Variants in PSIP1 observed in about 807,000 individuals in gnomAD.
PSIP1 encodes the protein PC4 and SFRS1-interacting protein.
Under a neutral mutation model 74.7 loss-of-function variants are expected in PSIP1, and 19 were observed. The observed-to-expected ratio is 0.25, with a 90% CI of 0.18 to 0.37. PSIP1 has a LOEUF of 0.37. Ranked by LOEUF, PSIP1 falls within the 10% of genes least tolerant of loss-of-function variation. PSIP1 has a pLI of 1.00. For synonymous variants in PSIP1, 222 were observed against 195.3 expected (o/e 1.14, Z -1.14); for missense variants, 601 against 614.3 (o/e 0.98, Z 0.23).
chr9:15,484,084 A>C (rs2036452855), intron 6 of PSIP1, among the ~76,000 whole-genome samples: 1 of 150,380 alleles, frequency 6.6e-6, no homozygotes, highest in South Asian at 2.1e-4. Flanking sequence ...GTGAGCTAAG[A>C]TCATGCCACT....
In PSIP1 at chr9:15,501,128, A is replaced by G. The variant is rs1292849986; in HGVS notation, c.149+5433T>C. On this transcript the variant is annotated intron_variant, in intron 3 of 15. Coordinates refer to ENST00000380733, the MANE Select transcript of PSIP1 (RefSeq NM_033222.5). ...AATGACAAAGAAAAAAAACACAAAT[A>G]TAAGTAACCTGCCCAAGGTTATATA... Among the ~76,000 whole-genome samples the G allele has an allele frequency of 3.3e-5, 5 of 152,302 alleles. No individual in the cohort carries two copies. In the East Asian group the frequency reaches 7.7e-4, roughly 23 times the overall value.
At chr9:15,509,414 T>A (rs1246997678) in intron 2 of PSIP1, among the ~76,000 whole-genome samples, 2 of 152,196 alleles carry the variant, frequency 1.3e-5, no homozygotes, top group African/African-American at 4.8e-5. Flanking sequence ...ACATCCTGGG[T>A]CCTTAATCAT....
intron 5 of PSIP1, among the ~76,000 whole-genome samples, chr9:15,486,288 A>C (rs906420839): frequency 6.6e-6 from 1 of 152,218 alleles, no homozygotes; most frequent in Admixed American, 6.5e-5. Flanking sequence ...TTGCTGGTAC[A>C]CCAGGAAGTC....
intron 3 of PSIP1, among the ~76,000 whole-genome samples, chr9:15,500,083 T>C (rs1046668153): frequency 5.3e-5 from 8 of 152,146 alleles, no homozygotes; most frequent in African/African-American, 1.9e-4. Context: ...TTTTATATTT[T>C]ATAATAGCAT....
chr9:15,480,615 A>G (rs768823602), intron 6 of PSIP1, among the ~76,000 whole-genome samples: 1 of 152,236 alleles, frequency 6.6e-6, no homozygotes, highest in Non-Finnish European at 1.5e-5. Context: ...TATTGGCAAT[A>G]TAGAATGTGC....
Position 15,489,859 on chromosome 9 carries a change from C to G in PSIP1, c.288+127G>C, listed in dbSNP as rs542135936. 4.3e-3 allele frequency: 3,257 copies of G among 754,288 alleles called. 11 individuals are homozygous for G. The highest frequency in any genetic ancestry group is 5.4e-3 in the Non-Finnish European group (2,840 of 526,652). The allele number at this position is 754,288 out of a possible 1,614,324, so 46.7% of individuals were successfully genotyped here. ...ATAAAATGCCCAAGGTTCAACCTCA[C>G]AAATAAGAACACAACAAACTAGTAT... On this transcript the variant is annotated intron_variant, in intron 4 of 15. Transcript: ENST00000380733.
chr9:15,489,299 T>C (rs2036713867), intron 4 of PSIP1: 1 of 152,106 alleles, frequency 6.6e-6, no homozygotes, highest in South Asian at 2.1e-4. Flanking sequence ...CATATTCCAA[T>C]ACAATTCTAT....
chr9:15,470,546 A>C (rs899002376), intron 10 of PSIP1: 8 of 891,668 alleles, frequency 9.0e-6, no homozygotes, highest in African/African-American at 1.8e-5. Context: ...TTAAAATTGA[A>C]ATCTTAATTT....
At chr9:15,492,135 C>T (rs1396129084) in intron 3 of PSIP1, 2 of 152,350 alleles carry the variant, frequency 1.3e-5, no homozygotes, top group East Asian at 1.9e-4. Context: ...CAGTCCCCAT[C>T]CCCCAAAGTC....
rs2035764403 is a variant in PSIP1, at chr9:15,470,144, T to G, written c.978-151A>C. The G allele has an allele frequency of 8.1e-6, 5 of 615,584 alleles. No individual in the cohort carries two copies. In the East Asian group the frequency reaches 1.4e-4, roughly 17 times the overall value. The allele number at this position is 615,584 out of a possible 1,614,324, so 38.1% of individuals were successfully genotyped here. On this transcript the variant is annotated intron_variant, in intron 10 of 15. Coordinates refer to ENST00000380733, the MANE Select transcript of PSIP1 (RefSeq NM_033222.5). The stretch of plus-strand genomic sequence containing the variant: ...GACTGTAGCTCTTAGAATGGTGCAG[T>G]TCCGTAGCATAAATATAAGCAAAAC...
At chr9:15,504,184 T>C (rs1306400257) in intron 3 of PSIP1, among the ~76,000 whole-genome samples, 1 of 152,202 alleles carries the variant, frequency 6.6e-6, no homozygotes, top group South Asian at 2.1e-4. Flanking sequence ...GAAAATTCAG[T>C]ATTGTCAGCT....
At chr9:15,479,178 G>C (rs749045498) in intron 7 of PSIP1, among the ~76,000 whole-genome samples, 10 of 152,018 alleles carry the variant, frequency 6.6e-5, no homozygotes, top group Non-Finnish European at 1.2e-4. Flanking sequence ...ATGCTGAAGA[G>C]AGCTGCAAAC....
At chr9:15,486,995 C>A (rs1164794574) in intron 4 of PSIP1, 64 bp from the exon 5 acceptor site, 2 of 1,073,432 alleles carry the variant, frequency 1.9e-6, no homozygotes, top group Non-Finnish European at 2.6e-6. Context: ...ATATACAATT[C>A]TTTATTTTTA....
At chr9:15,487,103 C>T (rs79271844) in intron 4 of PSIP1, among the ~76,000 whole-genome samples, 172 bp from the exon 5 acceptor site, 6,272 of 150,894 alleles carry the variant, frequency 0.042, 146 homozygotes, top group South Asian at 0.066. Flanking sequence ...CTCAAGGCAT[C>T]CTCCCTCCTC....
intron 8 of PSIP1, 58 bp downstream of exon 8, chr9:15,478,419 C>A: frequency 8.0e-7 from 1 of 1,251,628 alleles, no homozygotes; most frequent in Non-Finnish European, 1.2e-6. Flanking sequence ...GAGATATGTG[C>A]TTGTTTAAAG....
In PSIP1 at chr9:15,469,289, T is replaced by A; in HGVS notation, c.1081A>T (p.Asn361Tyr). 1 of 1,571,136 alleles carries A rather than the reference T, an allele frequency of 6.4e-7. No homozygotes were observed. The highest frequency in any genetic ancestry group is 8.7e-7 in the Non-Finnish European group (1 of 1,152,662). The change falls in exon 12 of 16, where the codon AAT (asparagine) becomes TAT (tyrosine). Residue 361 changes from asparagine to tyrosine, a missense_variant. By Grantham distance (143) the Asn-to-Tyr change is moderately radical (BLOSUM62 -2). This residue lies in a region of PSIP1 where 538 missense variants were observed against 507.6 expected (regional missense o/e 1.06). Transcript: ENST00000380733. ...RLQRIHAEIK[N>Y]SLKIDNLDVN... Reference sequence around the variant, plus strand: ...ACAAGATTATCAATTTTGAGTGAATTTTTAATCTCAGCATGTATCCTTTGA... The same window carrying A: ...ACAAGATTATCAATTTTGAGTGAATATTTAATCTCAGCATGTATCCTTTGA...
intron 2 of PSIP1, among the ~76,000 whole-genome samples, chr9:15,507,750 T>C (rs937834919): frequency 6.6e-6 from 1 of 152,100 alleles, no homozygotes; most frequent in South Asian, 2.1e-4. Context: ...AAGAAGGGGG[T>C]TGACCATCAG....
chr9:15,465,821 A>G (rs543750770), intron 15 of PSIP1: 50 of 445,482 alleles, frequency 1.1e-4, no homozygotes, highest in East Asian at 7.4e-5. Flanking sequence ...ATAACTCAGC[A>G]AAGTGTCATG....
chr9:15,472,418 T>G, intron 10 of PSIP1: 1 of 1,355,040 alleles, frequency 7.4e-7, no homozygotes, highest in Non-Finnish European at 9.4e-7. Flanking sequence ...CAAAAATAAT[T>G]CACAGAGTGA....
Sources: allele counts gnomAD v4.1 joint callset (sites outside exome capture counted in the v4.1 genomes callset), GRCh38; gene constraint gnomAD v4.1.1; regional missense constraint gnomAD v4.1.1; transcripts MANE v1.5; gene names NCBI Gene and HGNC (gene_info 2026-07-23, HGNC 2026-07-21).